Variants in SLC9A9 observed in about 807,000 individuals in gnomAD.
SLC9A9 encodes the protein sodium/hydrogen exchanger 9.
SLC9A9 carries 62 observed loss-of-function variants against 77.8 expected under a neutral mutation model. That is an observed-to-expected ratio of 0.80 (90% CI 0.65 to 0.98). The LOEUF (loss-of-function observed/expected upper bound fraction) is 0.98. Ranked by LOEUF, SLC9A9 falls within the 50% of genes least tolerant of loss-of-function variation. The pLI is 0.00. For synonymous variants in SLC9A9, 320 were observed against 283.5 expected (o/e 1.13, Z -1.29); for missense variants, 775 against 774.9 (o/e 1.00, Z 0.00).
intron 12 of SLC9A9, among the ~76,000 whole-genome samples, chr3:143,385,647 A>G (rs769059787): frequency 2.7e-4 from 41 of 152,242 alleles, no homozygotes; most frequent in Non-Finnish European, 5.9e-4. Flanking sequence ...TGCACAAAAG[A>G]TCATTTATAC....
At chr3:143,455,758 C>A (rs565094453) in intron 12 of SLC9A9, among the ~76,000 whole-genome samples, 5 of 151,150 alleles carry the variant, frequency 3.3e-5, no homozygotes, top group African/African-American at 4.8e-5. Context: ...TGAGTACTGA[C>A]CATGTATCCT....
intron 14 of SLC9A9, among the ~76,000 whole-genome samples, chr3:143,347,706 T>C (rs1282164675): frequency 6.6e-6 from 1 of 152,150 alleles, no homozygotes; most frequent in Non-Finnish European, 1.5e-5. Context: ...CCCCCACTCA[T>C]CCACAGTTGT....
At chr3:143,802,152 C>G (rs962282410) in intron 2 of SLC9A9, among the ~76,000 whole-genome samples, 6 of 152,288 alleles carry the variant, frequency 3.9e-5, no homozygotes, top group African/African-American at 1.4e-4. Context: ...TCCCACCTGT[C>G]AATCTCTTTC....
chr3:143,775,511 T>C (rs754103342), intron 4 of SLC9A9, among the ~76,000 whole-genome samples: 11 of 152,230 alleles, frequency 7.2e-5, no homozygotes, highest in Non-Finnish European at 1.0e-4. Context: ...ACAACAGTCT[T>C]ACTGAGTCAG....
intron 5 of SLC9A9, among the ~76,000 whole-genome samples, chr3:143,677,823 C>CTTTTT (rs553429664): frequency 5.4e-5 from 6 of 110,270 alleles, no homozygotes; most frequent in African/African-American, 1.7e-4. Context: ...TCTTCAGAGT[C>CTTTTT]TTTTTTTTTT....
chr3:143,575,451 C>G (rs910733136), intron 7 of SLC9A9, among the ~76,000 whole-genome samples: 9 of 152,158 alleles, frequency 5.9e-5, no homozygotes, highest in African/African-American at 2.2e-4. Context: ...GTACTCAGAA[C>G]AGTGCCTGGC....
At chr3:143,458,320 T>C (rs937526717) in intron 12 of SLC9A9, among the ~76,000 whole-genome samples, 2 of 152,134 alleles carry the variant, frequency 1.3e-5, no homozygotes, top group Non-Finnish European at 2.9e-5. Context: ...TCTATATCAT[T>C]GTATTCAAAG....
rs1216697478 is a variant in SLC9A9 at position 143,370,563 on chromosome 3, G to GCA, written c.1525-7001_1525-7000insTG. On this transcript the variant is annotated intron_variant, in intron 13 of 15. Transcript: ENST00000316549. ...TACATGTACACAAGTATATGCATGT[G>GCA]CGCGCACACACACACACACACACAC... Among the ~76,000 whole-genome samples the GCA allele has an allele frequency of 7.6e-3, 380 of 49,982 alleles. 5 individuals carry two copies. The highest frequency in any genetic ancestry group is 0.032 in the African/African-American group (366 of 11,274). The allele number at this position is 49,982 out of a possible 152,430, so 32.8% of individuals were successfully genotyped here.
chr3:143,335,617 G>A (rs1576432102), intron 14 of SLC9A9, among the ~76,000 whole-genome samples: 2 of 152,226 alleles, frequency 1.3e-5, no homozygotes, highest in East Asian at 1.9e-4. Context: ...ATAAGCTCTT[G>A]TATGAGCAAA....
chr3:143,592,099 A>G (rs6771556), intron 6 of SLC9A9, among the ~76,000 whole-genome samples: 63,598 of 152,086 alleles, frequency 0.42, 13,893 homozygotes, highest in African/African-American at 0.55. Context: ...AAGGTTAAAA[A>G]CCACTGAAGT....
intron 4 of SLC9A9, chr3:143,698,144 C>T (rs192945563): frequency 1.3e-5 from 2 of 153,600 alleles, no homozygotes; most frequent in Non-Finnish European, 2.9e-5. Context: ...AGGATAGACG[C>T]AATTTGATGG....
At chr3:143,349,761 G>C (rs943182724) in intron 14 of SLC9A9, among the ~76,000 whole-genome samples, 1 of 152,192 alleles carries the variant, frequency 6.6e-6, no homozygotes, top group Non-Finnish European at 1.5e-5. Flanking sequence ...CAGTTAACCT[G>C]GCGGTTAACT....
chr3:143,601,588 T>G (rs1295885194), intron 6 of SLC9A9, among the ~76,000 whole-genome samples: 2 of 152,208 alleles, frequency 1.3e-5, no homozygotes, highest in African/African-American at 4.8e-5. Context: ...CATTTGTGCT[T>G]CTATGTGCAG....
intron 6 of SLC9A9, among the ~76,000 whole-genome samples, chr3:143,602,567 T>C (rs182550056): frequency 7.2e-5 from 11 of 152,364 alleles, no homozygotes; most frequent in African/African-American, 2.6e-4. Context: ...CTTTAATAAA[T>C]ATTTCATTTA....
intron 12 of SLC9A9, among the ~76,000 whole-genome samples, chr3:143,399,076 AGT>A (rs2033793660): frequency 6.6e-6 from 1 of 152,080 alleles, no homozygotes; most frequent in Non-Finnish European, 1.5e-5. Context: ...TTACTTTTTA[AGT>A]GAAAAAACTT....
At chr3:143,669,698 A>C (rs1345868359) in intron 5 of SLC9A9, among the ~76,000 whole-genome samples, 5 of 152,342 alleles carry the variant, frequency 3.3e-5, no homozygotes, top group Admixed American at 3.3e-4. Flanking sequence ...CTGTGATGTC[A>C]AACCAACCTG....
At chr3:143,660,739 A>G (rs956840788) in intron 5 of SLC9A9, among the ~76,000 whole-genome samples, 1 of 152,206 alleles carries the variant, frequency 6.6e-6, no homozygotes, top group Non-Finnish European at 1.5e-5. Context: ...TCAATATATG[A>G]GTTAATGAGT....
chr3:143,677,102 C>G (rs554665259), intron 5 of SLC9A9, among the ~76,000 whole-genome samples: 3 of 152,254 alleles, frequency 2.0e-5, no homozygotes, highest in Admixed American at 1.3e-4. Flanking sequence ...TTACAACTCA[C>G]AAACCAAATA....
intron 5 of SLC9A9, among the ~76,000 whole-genome samples, chr3:143,676,686 G>A (rs1001451084): frequency 6.6e-6 from 1 of 151,990 alleles, no homozygotes; most frequent in African/African-American, 2.4e-5. Context: ...GCAGTGAGCC[G>A]AGATCACGCC....
Sources: allele counts gnomAD v4.1 joint callset (sites outside exome capture counted in the v4.1 genomes callset), GRCh38; gene constraint gnomAD v4.1.1; transcripts MANE v1.5; gene names NCBI Gene and HGNC (gene_info 2026-07-23, HGNC 2026-07-21).